The following FKBP15 variants were observed in gnomAD, a reference collection of about 807,000 sequenced individuals.
FKBP15 encodes the protein FK506-binding protein 15.
FKBP15 carries 106 observed loss-of-function variants against 158.1 expected under a neutral mutation model. The observed-to-expected ratio is 0.67, with a 90% CI of 0.57 to 0.79. The LOEUF is 0.79. Among genes scored for constraint, FKBP15 ranks in the 30% least tolerant of loss-of-function variants. The probability of loss-of-function intolerance (pLI) is 0.00; values close to 1 mark genes in which losing one functional copy is unlikely to be tolerated. For missense variants in FKBP15, 1,287 were observed against 1,479.1 expected (o/e 0.87, Z 2.13); for synonymous variants, 547 against 548.6 (o/e 1.00, Z 0.04).
chr9:113,208,483 C>A (rs1830937896), intron 2 of FKBP15, among the ~76,000 whole-genome samples: 1 of 152,146 alleles, frequency 6.6e-6, no homozygotes, highest in Non-Finnish European at 1.5e-5. Flanking sequence ...ACATGACATG[C>A]AAGAACTTAT....
intron 4 of FKBP15, among the ~76,000 whole-genome samples, chr9:113,205,662 CTT>C (rs1293968542): frequency 2.6e-5 from 4 of 152,138 alleles, no homozygotes; most frequent in Non-Finnish European, 5.9e-5. Flanking sequence ...AATTTCCACT[CTT>C]AGTATACAGC....
At chr9:113,209,919 A>G (rs2118946720) in intron 2 of FKBP15, among the ~76,000 whole-genome samples, 1 of 152,328 alleles carries the variant, frequency 6.6e-6, no homozygotes, top group Middle Eastern at 3.4e-3. Flanking sequence ...ATGTGTTATA[A>G]CTGTATCTTT....
rs755122421 is a variant in FKBP15, at chr9:113,194,028, C to A, written c.1006G>T (p.Gly336Trp). Residue 336 changes from glycine to tryptophan, a missense_variant and splice_region_variant, in exon 10 of 28, where the codon GGG (glycine) becomes TGG (tryptophan). Coordinates refer to ENST00000238256, the MANE Select transcript of FKBP15 (RefSeq NM_015258.2). ...SPPTSIPFKS[G>W]EPALRTKSNS... Reference sequence around the variant, plus strand: ...CTTGATACAACTGCAGTATCTTACCCTGATTTGAAAGGTATTGATGTGGGT... The same window carrying A: ...CTTGATACAACTGCAGTATCTTACCATGATTTGAAAGGTATTGATGTGGGT... 6.2e-7 allele frequency: 1 copy of A among 1,609,056 alleles called. No homozygotes were observed. The highest frequency in any genetic ancestry group is 8.5e-7 in the Non-Finnish European group (1 of 1,176,900).
chr9:113,197,812 A>C (rs1250575327), intron 8 of FKBP15, among the ~76,000 whole-genome samples: 1 of 152,242 alleles, frequency 6.6e-6, no homozygotes, highest in Non-Finnish European at 1.5e-5. Context: ...GAGATTAAGT[A>C]ACTAGCCCAA....
intron 14 of FKBP15, 139 bp from the exon 15 acceptor site, chr9:113,186,502 G>A: frequency 7.6e-6 from 5 of 656,536 alleles, no homozygotes; most frequent in Non-Finnish European, 1.4e-5. Flanking sequence ...GTGAGATCTG[G>A]GTTTGGCAGT....
At chr9:113,214,523 C>T (rs902536396) in intron 1 of FKBP15, among the ~76,000 whole-genome samples, 1 of 152,154 alleles carries the variant, frequency 6.6e-6, no homozygotes, top group Non-Finnish European at 1.5e-5. Flanking sequence ...AACAGATGTG[C>T]TGTCATCCAG....
chr9:113,194,083 G>A lies in FKBP15; in HGVS notation c.951C>T (p.Asp317=), dbSNP rs1327821313. The A allele has an allele frequency of 6.2e-7, 1 of 1,613,726 alleles. No individual in the cohort carries two copies. ...SAAPSPIPGA[D]NLSADPVVSP... ...ACACAACAGGATCAGCAGAGAGGTT[G>A]TCAGCACCAGGGATGGGAGACGGAG... The change falls in exon 10 of 28, where the codon GAC becomes GAT. Residue 317 remains aspartate (D), a synonymous_variant. Coordinates refer to ENST00000238256, the MANE Select transcript of FKBP15 (RefSeq NM_015258.2).
intron 19 of FKBP15, among the ~76,000 whole-genome samples, chr9:113,180,230 C>T (rs745458659): frequency 2.6e-5 from 4 of 152,118 alleles, no homozygotes; most frequent in Non-Finnish European, 5.9e-5. Context: ...CTCTCAGAAG[C>T]ATAAAAATTA....
chr9:113,175,705 A>G (rs1205077320), intron 21 of FKBP15, among the ~76,000 whole-genome samples: 2 of 152,254 alleles, frequency 1.3e-5, no homozygotes, highest in African/African-American at 4.8e-5. Context: ...AATCAAACTA[A>G]TAATAGGAAA....
intron 10 of FKBP15, 145 bp downstream of exon 10, chr9:113,193,882 G>A: frequency 1.1e-6 from 1 of 936,738 alleles, no homozygotes; most frequent in Non-Finnish European, 1.5e-6. Context: ...AAAATCTGAT[G>A]CAAGTATCTT....
At position 113,202,562 on chromosome 9, in the gene FKBP15, G is replaced by A. The variant is rs750118103; in HGVS notation, c.467C>T (p.Ser156Leu). The A allele has an allele frequency of 5.7e-6, 9 of 1,584,334 alleles. No homozygotes were observed. The African/African-American group carries it at 6.7e-5, about 12-fold the overall frequency. ...ATTGAACTCCACAGCAGCCTTTTCC[G>A]ACTCAAACATGATGGACCAGTTCTG... The part of the protein sequence containing the change: ...QRQNWSIMFE[S>L]EKAAVEFNKQ... The change falls in exon 6 of 28, where the codon TCG (serine) becomes TTG (leucine). Residue 156 changes from serine (S) to leucine (L), a missense_variant. Ser to Leu is a moderately radical substitution (Grantham distance 145). Coordinates refer to ENST00000238256, the MANE Select transcript of FKBP15 (RefSeq NM_015258.2).
At chr9:113,174,398 T>C (rs1269667151) in intron 22 of FKBP15, 30 bp downstream of exon 22, 23 of 1,608,368 alleles carry the variant, frequency 1.4e-5, no homozygotes, top group Non-Finnish European at 1.9e-5. Flanking sequence ...ACCTTCCCTC[T>C]ATTTTCAAAG....
chr9:113,204,641 G>A (rs1355187387), intron 4 of FKBP15, among the ~76,000 whole-genome samples: 4 of 151,976 alleles, frequency 2.6e-5, no homozygotes, highest in Non-Finnish European at 5.9e-5. Context: ...ATCAATCTTT[G>A]CCCTGGTCTC....
rs916794934 is a variant in FKBP15 at position 113,169,882 on chromosome 9, C to T, written c.2827G>A (p.Glu943Lys). The change falls in exon 26 of 28, where the codon GAA (glutamate) becomes AAA (lysine). Residue 943 changes from glutamate (E) to lysine (K), a missense_variant. Physicochemically the swap from Glu to Lys is moderately conservative, Grantham distance 56. Transcript: ENST00000238256. Reference sequence around the variant, plus strand: ...CGCTCTTCTGCTTTTTCTTCTTCTTCTTCACTGCTGCTCTCTTCCTTCTCT... The same window carrying T: ...CGCTCTTCTGCTTTTTCTTCTTCTTTTTCACTGCTGCTCTCTTCCTTCTCT... ...EQEKEESSSEEEEEKAEERPR... is the reference protein window; with the variant it reads ...EQEKEESSSEKEEEKAEERPR... 12 of 1,550,556 alleles carry T rather than the reference C, an allele frequency of 7.7e-6. No homozygotes were observed. Among genetic ancestry groups the T allele is most frequent in the Non-Finnish European group, 1.0e-5 (12 of 1,147,014 alleles).
chr9:113,190,998 T>C (rs1830564000), intron 11 of FKBP15, among the ~76,000 whole-genome samples: 1 of 152,188 alleles, frequency 6.6e-6, no homozygotes, highest in Admixed American at 6.5e-5. Context: ...ACAGGAGCTC[T>C]TTGTTTTAAC....
intron 21 of FKBP15, 111 bp downstream of exon 21, chr9:113,176,426 T>G: frequency 7.9e-7 from 1 of 1,273,076 alleles, no homozygotes; most frequent in Non-Finnish European, 1.1e-6. Flanking sequence ...TTTACACTTT[T>G]CTATATTATT....
chr9:113,176,783 CCAT>C, intron 20 of FKBP15, 110 bp from the exon 21 acceptor site: 1 of 1,240,608 alleles, frequency 8.1e-7, no homozygotes, highest in South Asian at 1.6e-5. Flanking sequence ...AAGCCTTGCT[CCAT>C]CACTCAGGCT....
At chr9:113,166,949 A>G (rs1357731444) in intron 27 of FKBP15, among the ~76,000 whole-genome samples, 1 of 152,228 alleles carries the variant, frequency 6.6e-6, no homozygotes, top group African/African-American at 2.4e-5. Flanking sequence ...CTGGTGAGCA[A>G]CTGCCAACCA....
At chr9:113,182,406 G>C (rs142130061) in intron 19 of FKBP15, among the ~76,000 whole-genome samples, 160 of 152,312 alleles carry the variant, frequency 1.1e-3, no homozygotes, top group Non-Finnish European at 1.9e-3. Flanking sequence ...GGCAGACACA[G>C]ATGAAGGAGC....
Sources: gnomAD v4.1 joint callset for allele counts (sites outside exome capture counted in the v4.1 genomes callset) on GRCh38, gnomAD v4.1.1 for gene constraint, MANE v1.5 for transcripts, NCBI Gene and HGNC (gene_info 2026-07-23, HGNC 2026-07-21) for gene names.